Variants in VPS45 observed in about 807,000 individuals in gnomAD.
VPS45 encodes the protein vacuolar protein sorting 45 homolog.
VPS45 carries 35 observed loss-of-function variants against 75.9 expected under a neutral mutation model. The observed-to-expected ratio is 0.46, with a 90% CI of 0.35 to 0.61. The LOEUF (loss-of-function observed/expected upper bound fraction) is 0.61, where lower values mean the gene tolerates loss of function less well. VPS45 is among the 20% of genes least tolerant of loss of function. VPS45 has a pLI of 0.00. For missense variants in VPS45, 559 were observed against 685.9 expected, an observed-to-expected ratio of 0.81 and a Z score of 2.07; for synonymous variants, 220 against 238.2, an observed-to-expected ratio of 0.92 and a Z score of 0.70.
chr1:150,084,611 T>C (rs1020420601), intron 10 of VPS45, among the ~76,000 whole-genome samples: 13 of 152,264 alleles, frequency 8.5e-5, no homozygotes, highest in African/African-American at 3.1e-4. Context: ...CACATTTCCC[T>C]GTTAATAGGG....
At chr1:150,088,152 A>G (rs1357977198) in intron 10 of VPS45, among the ~76,000 whole-genome samples, 3 of 152,246 alleles carry the variant, frequency 2.0e-5, no homozygotes, top group Non-Finnish European at 2.9e-5. Context: ...CTACTATGCA[A>G]TAGAACACCA....
intron 6 of VPS45, 82 bp from the exon 7 acceptor site, chr1:150,077,586 GT>G (rs782744070): frequency 3.1e-6 from 3 of 961,928 alleles, no homozygotes; most frequent in Non-Finnish European, 4.9e-6. Context: ...ATTGTTAAAT[GT>G]AGTGTTTATT....
chr1:150,128,849 C>A (rs1022420381), intron 14 of VPS45, among the ~76,000 whole-genome samples: 1 of 152,090 alleles, frequency 6.6e-6, no homozygotes, highest in African/African-American at 2.4e-5. Context: ...AAGCGATTCT[C>A]CTGCCACAAA....
intron 3 of VPS45, among the ~76,000 whole-genome samples, chr1:150,074,425 A>G (rs587649041): frequency 2.6e-5 from 4 of 152,308 alleles, no homozygotes; most frequent in African/African-American, 9.6e-5. Context: ...GCTGAGTAGT[A>G]TTCCATGGTA....
rs587605768 is a variant in VPS45 at position 150,112,113 on chromosome 1, A to G, written c.1625+1486A>G. ...TTATATATTTCTTTTGTGAATTGCT[A>G]GTTCATATTCTTTGCCCATTCCACA... is the stretch of plus-strand genomic sequence containing the variant. On this transcript the variant is annotated intron_variant, in intron 14 of 14. Transcript: ENST00000644510. Among the ~76,000 whole-genome samples, 4 of 152,230 alleles carry G rather than the reference A, an allele frequency of 2.6e-5. No homozygotes were observed. The South Asian group carries it at 6.2e-4, about 24-fold the overall frequency.
At chr1:150,085,988 C>T (rs1341039316) in intron 10 of VPS45, among the ~76,000 whole-genome samples, 1 of 152,106 alleles carries the variant, frequency 6.6e-6, no homozygotes, top group Non-Finnish European at 1.5e-5. Context: ...ACCCTGCCCC[C>T]CATGCCCAGC....
Position 150,081,610 on chromosome 1 carries a change from CT to C in VPS45, c.822+135del, listed in dbSNP as rs782108878. On this transcript the variant is annotated intron_variant, in intron 8 of 14. Transcript: ENST00000644510. The stretch of plus-strand genomic sequence containing the variant: ...TAGGGGCATCCTGTGCATAAACTGC[CT>C]CTGAAGGGAAGGCAGAAGACTTGGA... 53 of 1,084,222 alleles carry C rather than the reference CT, an allele frequency of 4.9e-5. No homozygotes were observed. The Middle Eastern group carries it at 1.1e-3, about 23-fold the overall frequency. 67.2% of individuals were successfully genotyped at this position (1,084,222 alleles called of 1,614,324 possible).
chr1:150,144,637 T>G, intron 14 of VPS45, 72 bp from the exon 15 acceptor site: 2 of 1,336,402 alleles, frequency 1.5e-6, no homozygotes, highest in Non-Finnish European at 2.1e-6. Context: ...TGGTTAGATG[T>G]CCAGAGCAAG....
intron 13 of VPS45, among the ~76,000 whole-genome samples, chr1:150,107,115 CA>C (rs1553805948): frequency 6.6e-6 from 1 of 152,060 alleles, no homozygotes; most frequent in African/African-American, 2.4e-5. Flanking sequence ...AGGGACTCAG[CA>C]AAAAATCTGT....
chr1:150,140,231 A>G (rs1190945786), intron 14 of VPS45, among the ~76,000 whole-genome samples: 2 of 152,118 alleles, frequency 1.3e-5, no homozygotes, highest in African/African-American at 4.8e-5. Context: ...ATCTCACACC[A>G]CTACCATCTC....
chr1:150,111,105 A>G (rs1553807122), intron 14 of VPS45, among the ~76,000 whole-genome samples: 1 of 152,228 alleles, frequency 6.6e-6, no homozygotes, highest in Non-Finnish European at 1.5e-5. Context: ...AAAGATGAAT[A>G]ATCTAAAGAT....
chr1:150,082,691 C>T, intron 9 of VPS45, 25 bp from the exon 10 acceptor site: 1 of 1,604,564 alleles, frequency 6.2e-7, no homozygotes, highest in South Asian at 1.1e-5. Flanking sequence ...AACAGAACCT[C>T]CCATTGATGT....
chr1:150,101,486 A>G (rs1656990644), intron 13 of VPS45, among the ~76,000 whole-genome samples: 1 of 152,152 alleles, frequency 6.6e-6, no homozygotes, highest in Non-Finnish European at 1.5e-5. Context: ...CTGTAATCCC[A>G]GCACTTTGGG....
At chr1:150,094,320 A>G (rs1553802634) in intron 13 of VPS45, among the ~76,000 whole-genome samples, 1 of 152,162 alleles carries the variant, frequency 6.6e-6, no homozygotes. Flanking sequence ...ATATACTTGA[A>G]TCCTATTGGA....
intron 14 of VPS45, among the ~76,000 whole-genome samples, chr1:150,116,948 A>C (rs1657965598): frequency 6.6e-6 from 1 of 152,182 alleles, no homozygotes; most frequent in South Asian, 2.1e-4. Context: ...CACACCTGTA[A>C]TCCTAGCACT....
intron 14 of VPS45, among the ~76,000 whole-genome samples, chr1:150,131,360 T>C (rs1381191517): frequency 1.3e-5 from 2 of 151,776 alleles, no homozygotes; most frequent in Non-Finnish European, 2.9e-5. Flanking sequence ...AATACAAAAA[T>C]TAGCTGGGTG....
At chr1:150,088,945 C>T (rs1559912630) in intron 10 of VPS45, among the ~76,000 whole-genome samples, 2 of 152,240 alleles carry the variant, frequency 1.3e-5, no homozygotes, top group East Asian at 3.9e-4. Context: ...ATTGCTAAAT[C>T]ATATAGTAGT....
chr1:150,098,866 T>A (rs1306908337), intron 13 of VPS45: 1 of 1,277,480 alleles, frequency 7.8e-7, no homozygotes, highest in Admixed American at 2.5e-5. Context: ...CTCTTGTCTC[T>A]GATAAAGGCA....
intron 14 of VPS45, among the ~76,000 whole-genome samples, chr1:150,112,702 C>A (rs1553807395): frequency 6.6e-6 from 1 of 152,170 alleles, no homozygotes; most frequent in Non-Finnish European, 1.5e-5. Context: ...CCCCACAAGA[C>A]CACCCCTACT....
Sources: gnomAD v4.1 joint callset for allele counts (sites outside exome capture counted in the v4.1 genomes callset) on GRCh38, gnomAD v4.1.1 for gene constraint, MANE v1.5 for transcripts, NCBI Gene and HGNC (gene_info 2026-07-23, HGNC 2026-07-21) for gene names.